The following PALM2AKAP2 variants were observed in gnomAD, a reference collection of about 807,000 sequenced individuals.
PALM2AKAP2 encodes PALM2-AKAP2 fusion protein.
Under a neutral mutation model 71.5 loss-of-function variants are expected in PALM2AKAP2, and 37 were observed. That is an observed-to-expected ratio of 0.52 (90% CI 0.40 to 0.68). PALM2AKAP2 has a LOEUF of 0.68. Ranked by LOEUF, PALM2AKAP2 falls within the 30% of genes least tolerant of loss-of-function variation. The pLI is 0.00. For missense variants in PALM2AKAP2, 1,224 were observed against 1,191.8 expected, an observed-to-expected ratio of 1.03 and a Z score of -0.40; for synonymous variants, 468 against 478.8, an observed-to-expected ratio of 0.98 and a Z score of 0.29.
intron 3 of PALM2AKAP2, among the ~76,000 whole-genome samples, chr9:110,167,515 TCTC>T (rs1419248136): frequency 1.3e-5 from 2 of 152,052 alleles, no homozygotes; most frequent in African/African-American, 4.8e-5. Context: ...TAGGCTGAAG[TCTC>T]CTCTCGGGAT....
At chr9:110,002,534 T>C (rs543837339) in intron 6 of PALM2AKAP2, among the ~76,000 whole-genome samples, 1 of 152,270 alleles carries the variant, frequency 6.6e-6, no homozygotes, top group South Asian at 2.1e-4. Context: ...ATCAGGATGA[T>C]GCTGGCCTCA....
intron 1 of PALM2AKAP2, among the ~76,000 whole-genome samples, chr9:110,091,446 T>G (rs1434873828): frequency 6.7e-6 from 1 of 148,862 alleles, no homozygotes; most frequent in Non-Finnish European, 1.5e-5. Flanking sequence ...CTTTTTAATC[T>G]TTGAGATTTA....
chr9:109,942,887 T>C, intron 6 of PALM2AKAP2: 2 of 1,614,150 alleles, frequency 1.2e-6, no homozygotes, highest in Non-Finnish European at 8.5e-7. Context: ...ACAAAGGATG[T>C]AGAAGAGCTT....
intron 3 of PALM2AKAP2, 146 bp downstream of exon 9, chr9:110,156,643 A>G (rs1665255344): frequency 8.1e-7 from 1 of 1,231,602 alleles, no homozygotes; most frequent in Middle Eastern, 2.7e-4. Flanking sequence ...GTGGTTTCAC[A>G]TGCCTGGAAC....
intron 1 of PALM2AKAP2, among the ~76,000 whole-genome samples, chr9:109,679,616 T>C (rs1454345786): frequency 6.6e-6 from 1 of 152,166 alleles, no homozygotes; most frequent in Admixed American, 6.5e-5. Flanking sequence ...CAATGGGAGA[T>C]GCAGAGCTAC....
At chr9:109,780,222 C>CCGG (rs1260794348), upstream of PALM2AKAP2, 11 of 1,016,206 alleles carry the variant, frequency 1.1e-5, no homozygotes, top group Non-Finnish European at 1.2e-5. Flanking sequence ...GCTGGCGCGG[C>CCGG]CGGCGGCGGC....
intron 1 of PALM2AKAP2, among the ~76,000 whole-genome samples, chr9:109,730,838 C>T (rs141073951): frequency 2.6e-5 from 4 of 152,056 alleles, no homozygotes; most frequent in African/African-American, 7.2e-5. Flanking sequence ...CCTACTCAAG[C>T]AAGGGTGGAG....
chr9:109,850,541 A>G (rs796938205), intron 1 of PALM2AKAP2, among the ~76,000 whole-genome samples: 24 of 152,256 alleles, frequency 1.6e-4, no homozygotes, highest in African/African-American at 5.5e-4. Context: ...GAGAAATCAG[A>G]TGTCAGCTGG....
intron 1 of PALM2AKAP2, among the ~76,000 whole-genome samples, chr9:109,707,228 G>T (rs1431515969): frequency 6.6e-6 from 1 of 151,704 alleles, no homozygotes; most frequent in Non-Finnish European, 1.5e-5. Flanking sequence ...CATTTTTCTG[G>T]CTGCCAGCAT....
intron 1 of PALM2AKAP2, among the ~76,000 whole-genome samples, chr9:110,107,571 T>G (rs1294117019): frequency 6.6e-6 from 1 of 152,228 alleles, no homozygotes; most frequent in Non-Finnish European, 1.5e-5. Flanking sequence ...CCTCTAATTT[T>G]TTTTTAGAGT....
intron 1 of PALM2AKAP2, among the ~76,000 whole-genome samples, chr9:109,653,342 T>C (rs1827251882): frequency 6.6e-6 from 1 of 152,200 alleles, no homozygotes; most frequent in Non-Finnish European, 1.5e-5. Context: ...TGTAGATACT[T>C]GGTTTTAGTC....
At chr9:110,019,839 C>T (rs750206516) in intron 7 of PALM2AKAP2, among the ~76,000 whole-genome samples, 21 of 152,278 alleles carry the variant, frequency 1.4e-4, no homozygotes, top group Non-Finnish European at 2.6e-4. Flanking sequence ...CTATTGGATA[C>T]TATGTTCACT....
At chr9:109,970,065 G>A (rs1832036424) in intron 6 of PALM2AKAP2, among the ~76,000 whole-genome samples, 1 of 152,148 alleles carries the variant, frequency 6.6e-6, no homozygotes, top group Non-Finnish European at 1.5e-5. Context: ...TCTGTTCTCA[G>A]GGATGCAGTC....
chr9:110,064,402 T>C (rs942424731), intron 1 of PALM2AKAP2, among the ~76,000 whole-genome samples: 3 of 152,178 alleles, frequency 2.0e-5, no homozygotes, highest in South Asian at 2.1e-4. Flanking sequence ...CTGGAACACA[T>C]TGGGTCCTAG....
intron 2 of PALM2AKAP2, among the ~76,000 whole-genome samples, chr9:110,145,891 CT>C (rs61137720): frequency 0.15 from 9,879 of 64,746 alleles, 154 homozygotes; most frequent in African/African-American, 0.21. Context: ...CCTCACTCTT[CT>C]TTTTTTTTTT....
At chr9:110,101,116 C>T (rs1455102016) in intron 1 of PALM2AKAP2, among the ~76,000 whole-genome samples, 2 of 152,152 alleles carry the variant, frequency 1.3e-5, no homozygotes, top group Admixed American at 1.3e-4. Context: ...GTCTTGAGAC[C>T]AAGCCTCTGC....
At chr9:109,931,172 A>G (rs1454498260) in intron 5 of PALM2AKAP2, among the ~76,000 whole-genome samples, 1 of 152,120 alleles carries the variant, frequency 6.6e-6, no homozygotes, top group Non-Finnish European at 1.5e-5. Flanking sequence ...TTCCTCTGAT[A>G]CCTTGGCATG....
rs780970261 is a variant in PALM2AKAP2, at chr9:109,942,833, G to A, written c.496+10805G>A. ...GGTACCAAAGTAGTGTATGAGGTGCGCTCAGGAGGCACCGTAGTAGAAAAT... is the reference window on the plus strand; with the variant it reads ...GGTACCAAAGTAGTGTATGAGGTGCACTCAGGAGGCACCGTAGTAGAAAAT... On this transcript the variant is annotated intron_variant, in intron 6 of 9. Transcript: ENST00000302798. 32 of 1,614,040 alleles carry A rather than the reference G, an allele frequency of 2.0e-5. No individual in the cohort carries two copies. The Middle Eastern group carries it at 6.6e-4, about 33-fold the overall frequency.
chr9:109,860,834 T>C (rs540717307), intron 1 of PALM2AKAP2, among the ~76,000 whole-genome samples: 1 of 152,300 alleles, frequency 6.6e-6, no homozygotes, highest in African/African-American at 2.4e-5. Flanking sequence ...TGATTCTTCA[T>C]TTCAAAAGCC....
Sources: allele counts gnomAD v4.1 joint callset (sites outside exome capture counted in the v4.1 genomes callset), GRCh38; gene constraint gnomAD v4.1.1; transcripts MANE v1.5; gene names NCBI Gene and HGNC (gene_info 2026-07-23, HGNC 2026-07-21).